Variants in RBMS3 observed in about 807,000 individuals in gnomAD.
The protein encoded by RBMS3 is RNA binding motif single stranded interacting protein 3.
In RBMS3, 27 loss-of-function variants were observed where a neutral mutation model predicts 66.8. The ratio of observed to expected loss-of-function variants is 0.40; its 90% confidence interval spans 0.30 to 0.56. The LOEUF (loss-of-function observed/expected upper bound fraction) is 0.56, where lower values mean the gene tolerates loss of function less well. Ranked by LOEUF, RBMS3 falls within the 20% of genes least tolerant of loss-of-function variation. The pLI is 0.40. For synonymous variants in RBMS3, 188 were observed against 183.0 expected (o/e 1.03, Z -0.22); for missense variants, 513 against 549.5 (o/e 0.93, Z 0.66).
intron 1 of RBMS3, among the ~76,000 whole-genome samples, chr3:29,321,991 T>C (rs1418783678): frequency 6.6e-6 from 1 of 152,176 alleles, no homozygotes; most frequent in African/African-American, 2.4e-5. Context: ...ATCATGCCCT[T>C]AATAATGAGA....
chr3:29,640,949 A>C (rs2149196051), intron 4 of RBMS3: 1 of 152,094 alleles, frequency 6.6e-6, no homozygotes, highest in South Asian at 2.1e-4. Flanking sequence ...GGCTTTTGTG[A>C]GAATTACATG....
chr3:29,586,618 A>C (rs902690510), intron 3 of RBMS3, among the ~76,000 whole-genome samples: 2 of 152,156 alleles, frequency 1.3e-5, no homozygotes, highest in Non-Finnish European at 2.9e-5. Context: ...TTACTTATTC[A>C]TGAAGTCAAC....
chr3:29,281,827 G>A (rs144859806), intron 1 of RBMS3, 71 bp downstream of exon 1: 13 of 1,337,010 alleles, frequency 9.7e-6, no homozygotes, highest in African/African-American at 4.4e-5. Context: ...ACAGACAGGC[G>A]TGTGAATTAT....
At chr3:29,917,180 G>A (rs1307471059) in intron 10 of RBMS3, among the ~76,000 whole-genome samples, 1 of 152,026 alleles carries the variant, frequency 6.6e-6, no homozygotes, top group African/African-American at 2.4e-5. Context: ...GTATCTTCCA[G>A]CAGGGGAAAA....
In RBMS3 at chr3:29,308,659, A is replaced by G. The variant is rs375240082; in HGVS notation, c.75+26903A>G. On this transcript the variant is annotated intron_variant, in intron 1 of 14. Coordinates refer to ENST00000383767, the MANE Select transcript of RBMS3 (RefSeq NM_001003793.3). ...TTAAATAATTTATAGAATTACATGTAAATGTCTAAAGGAATGGTATGGCCA... is the reference window on the plus strand; with the variant it reads ...TTAAATAATTTATAGAATTACATGTGAATGTCTAAAGGAATGGTATGGCCA... 3.3e-5 allele frequency among the ~76,000 whole-genome samples: 5 copies of G among 151,592 alleles called. No homozygotes were observed. The East Asian group carries it at 7.8e-4, about 24-fold the overall frequency.
chr3:29,540,610 G>A (rs572562428), intron 3 of RBMS3, among the ~76,000 whole-genome samples: 2 of 152,170 alleles, frequency 1.3e-5, no homozygotes, highest in East Asian at 1.9e-4. Context: ...AGTAACTCTC[G>A]AACACAGATT....
At chr3:29,513,114 G>A (rs1180239103) in intron 3 of RBMS3, among the ~76,000 whole-genome samples, 2 of 152,216 alleles carry the variant, frequency 1.3e-5, no homozygotes, top group African/African-American at 4.8e-5. Flanking sequence ...ACATCCTTTC[G>A]CATTTGACAT....
chr3:29,516,216 G>A (rs987545713), intron 3 of RBMS3, among the ~76,000 whole-genome samples: 1 of 152,168 alleles, frequency 6.6e-6, no homozygotes, highest in Non-Finnish European at 1.5e-5. Flanking sequence ...AATCAAGTAA[G>A]ATCAGTTTTT....
intron 6 of RBMS3, among the ~76,000 whole-genome samples, chr3:29,769,180 A>G: frequency 6.6e-6 from 1 of 151,876 alleles, no homozygotes; most frequent in Non-Finnish European, 1.5e-5. Flanking sequence ...TTAGCAAGAG[A>G]GGTATGGAAA....
intron 1 of RBMS3, among the ~76,000 whole-genome samples, chr3:29,387,916 C>A (rs1383805948): frequency 6.6e-6 from 1 of 152,148 alleles, no homozygotes; most frequent in Non-Finnish European, 1.5e-5. Flanking sequence ...TAATTTACTG[C>A]ATTCTAACAG....
intron 8 of RBMS3, among the ~76,000 whole-genome samples, chr3:29,884,985 G>A (rs534671002): frequency 6.6e-6 from 1 of 151,878 alleles, no homozygotes; most frequent in South Asian, 2.1e-4. Flanking sequence ...CAACATAGAG[G>A]GTAGAATGAA....
In RBMS3 at chr3:29,739,702, T is replaced by A. The variant is rs1320481534; in HGVS notation, c.400-18T>A. On this transcript the variant is annotated intron_variant, in intron 4 of 14. Transcript: ENST00000383767. Reference sequence around the variant, plus strand: ...CAATACTCAGAACTTACCATATTTGTTACTTTCCTTCCCTTAGCAACAAGA... The same window carrying A: ...CAATACTCAGAACTTACCATATTTGATACTTTCCTTCCCTTAGCAACAAGA... 2.6e-6 allele frequency: 4 copies of A among 1,565,698 alleles called. No homozygotes were observed. Among genetic ancestry groups the A allele is most frequent in the Non-Finnish European group, 3.5e-6 (4 of 1,158,482 alleles).
In RBMS3 at chr3:29,646,590, T is replaced by G. The variant is rs549514489; in HGVS notation, c.399+59385T>G. ...GTATGTCTACATTTAAATACTGGTTTAAGTTTCTTAACAATTTTTATGTTT... is the reference window on the plus strand; with the variant it reads ...GTATGTCTACATTTAAATACTGGTTGAAGTTTCTTAACAATTTTTATGTTT... On this transcript the variant is annotated intron_variant, in intron 4 of 14. Transcript: ENST00000383767. Among the ~76,000 whole-genome samples, 247 of 151,950 alleles carry G rather than the reference T, an allele frequency of 1.6e-3. 1 individual carries two copies. The highest frequency in any genetic ancestry group is 5.6e-3 in the African/African-American group (232 of 41,456).
At chr3:29,715,735 A>G (rs2053365674) in intron 4 of RBMS3, among the ~76,000 whole-genome samples, 1 of 152,164 alleles carries the variant, frequency 6.6e-6, no homozygotes, top group Admixed American at 6.5e-5. Context: ...AGGTAAAAGC[A>G]TAGAGCCTAT....
chr3:29,301,783 T>C (rs544005628), intron 1 of RBMS3, among the ~76,000 whole-genome samples: 85 of 152,122 alleles, frequency 5.6e-4, no homozygotes, highest in Middle Eastern at 3.4e-3. Context: ...TTGTTAAAAC[T>C]GATTTATGTT....
chr3:29,789,867 C>T (rs746236936), intron 6 of RBMS3, among the ~76,000 whole-genome samples: 6 of 152,166 alleles, frequency 3.9e-5, no homozygotes, highest in Non-Finnish European at 7.3e-5. Flanking sequence ...CAAAGGAAAA[C>T]TATGACATCA....
At chr3:29,457,538 A>G (rs9866984) in intron 2 of RBMS3, among the ~76,000 whole-genome samples, 6,271 of 152,230 alleles carry the variant, frequency 0.041, 272 homozygotes, top group East Asian at 0.25. Context: ...CCTGGTCAAC[A>G]TAGTGAAACC....
chr3:29,420,962 A>AAT (rs1415341037), intron 1 of RBMS3, among the ~76,000 whole-genome samples: 1 of 138,792 alleles, frequency 7.2e-6, no homozygotes, highest in African/African-American at 2.5e-5. Context: ...AAAAAAAAAA[A>AAT]ATTAACTGGG....
intron 4 of RBMS3, among the ~76,000 whole-genome samples, chr3:29,680,394 C>T (rs1004958770): frequency 6.6e-6 from 1 of 152,128 alleles, no homozygotes; most frequent in African/African-American, 2.4e-5. Flanking sequence ...CAAAATAGTG[C>T]GTGTTTTTCT....
Sources: allele counts gnomAD v4.1 joint callset (sites outside exome capture counted in the v4.1 genomes callset), GRCh38; gene constraint gnomAD v4.1.1; transcripts MANE v1.5; gene names NCBI Gene and HGNC (gene_info 2026-07-23, HGNC 2026-07-21).